Variants in JADE1 observed in about 807,000 individuals in gnomAD.
JADE1 encodes jade family PHD finger 1.
In JADE1, 14 loss-of-function variants were observed where a neutral mutation model predicts 81.8. The ratio of observed to expected loss-of-function variants is 0.17; its 90% CI spans 0.11 to 0.27. The LOEUF is 0.27. JADE1 is among the 10% of genes least tolerant of loss of function. JADE1 has a pLI of 1.00. For missense variants in JADE1, 690 were observed against 1,047.9 expected (o/e 0.66, Z 4.71); for synonymous variants, 353 against 391.9 (o/e 0.90, Z 1.17).
At chr4:128,823,851 T>A (rs1021826758) in intron 1 of JADE1, among the ~76,000 whole-genome samples, 1 of 152,210 alleles carries the variant, frequency 6.6e-6, no homozygotes, top group East Asian at 1.9e-4. Flanking sequence ...GAAAACTTCA[T>A]ATTTAAGCGA....
intron 9 of JADE1, chr4:128,863,009 G>C: frequency 1.0e-6 from 1 of 985,376 alleles, no homozygotes; most frequent in East Asian, 1.1e-4. Context: ...TGTCTGAGGA[G>C]CCCCAGTCAT....
chr4:128,831,999 T>C (rs1450731997), intron 2 of JADE1, among the ~76,000 whole-genome samples, 189 bp downstream of exon 2: 2 of 152,212 alleles, frequency 1.3e-5, no homozygotes, highest in African/African-American at 2.4e-5. Context: ...CTGGGTAAGG[T>C]TGACTGCAGG....
chr4:128,823,518 G>A (rs1391942187), intron 1 of JADE1, among the ~76,000 whole-genome samples: 1 of 152,122 alleles, frequency 6.6e-6, no homozygotes, highest in Non-Finnish European at 1.5e-5. Context: ...TTTGGAGGAG[G>A]TGGCTATTGC....
At chr4:128,859,219 T>A (rs373633848) in intron 8 of JADE1, among the ~76,000 whole-genome samples, 2 of 151,838 alleles carry the variant, frequency 1.3e-5, no homozygotes, top group East Asian at 1.9e-4. Flanking sequence ...GGTGTGTGTG[T>A]GAGTATGCGT....
chr4:128,872,304 G>A lies in JADE1; in HGVS notation c.*42G>A. The A allele has an allele frequency of 6.4e-7, 1 of 1,571,632 alleles. No homozygotes were observed. The highest frequency in any genetic ancestry group is 8.7e-7 in the Non-Finnish European group (1 of 1,150,306). ...CGGAAGCCCTTTGGGCTCGTCATTG[G>A]GTTTGCTAGAGGAGAGCTCTGATGT... On this transcript the variant is annotated 3_prime_UTR_variant, in exon 11 of 11. Transcript: ENST00000226319.
chr4:128,840,915 C>T (rs2125845336), intron 2 of JADE1, among the ~76,000 whole-genome samples: 1 of 152,368 alleles, frequency 6.6e-6, no homozygotes, highest in Non-Finnish European at 1.5e-5. Context: ...GTCAGTTGAC[C>T]TAGTAATGAG....
At chr4:128,856,433 T>G (rs1730802845) in intron 7 of JADE1, among the ~76,000 whole-genome samples, 1 of 152,160 alleles carries the variant, frequency 6.6e-6, no homozygotes, top group Non-Finnish European at 1.5e-5. Flanking sequence ...CTGTAGCACT[T>G]AAACAGCTGT....
chr4:128,845,364 C>T (rs1729779083), intron 3 of JADE1, among the ~76,000 whole-genome samples: 2 of 152,144 alleles, frequency 1.3e-5, no homozygotes, highest in Admixed American at 6.5e-5. Context: ...GTTGGATCTG[C>T]CTGTTTTTGG....
chr4:128,834,116 G>T (rs1436727487), intron 2 of JADE1, among the ~76,000 whole-genome samples: 1 of 152,164 alleles, frequency 6.6e-6, no homozygotes, highest in African/African-American at 2.4e-5. Flanking sequence ...TTGTCCAGAG[G>T]GTCTTAGTAG....
intron 9 of JADE1, chr4:128,863,453 C>T: frequency 1.0e-6 from 1 of 985,268 alleles, no homozygotes. Context: ...AAAGCCTGAT[C>T]TCATGGAGAC....
intron 9 of JADE1, among the ~76,000 whole-genome samples, chr4:128,866,485 T>C (rs1366530748): frequency 6.6e-6 from 1 of 152,226 alleles, no homozygotes; most frequent in Non-Finnish European, 1.5e-5. Context: ...TGAGACTGCC[T>C]TCAGCACAGC....
chr4:128,862,009 C>T lies in JADE1; in HGVS notation c.1287C>T (p.Thr429=). Reference sequence around the variant, plus strand: ...AGCAGTTGGAGGATGAGTTCTACACCTTCGTCAACCTGCTGGATGTTGCCA... The same window carrying T: ...AGCAGTTGGAGGATGAGTTCTACACTTTCGTCAACCTGCTGGATGTTGCCA... ...KLQQLEDEFY[T]FVNLLDVARA... Residue 429 remains threonine (T), a synonymous_variant, in exon 9 of 11, where the codon ACC becomes ACT. Transcript: ENST00000226319. The T allele has an allele frequency of 1.2e-6, 2 of 1,614,162 alleles. No individual in the cohort carries two copies. Among genetic ancestry groups the T allele is most frequent in the Non-Finnish European group, 1.7e-6 (2 of 1,180,036 alleles).
intron 1 of JADE1, among the ~76,000 whole-genome samples, chr4:128,826,211 G>A (rs1319554689): frequency 6.6e-6 from 1 of 152,146 alleles, no homozygotes; most frequent in African/African-American, 2.4e-5. Flanking sequence ...GAGCCGTGTC[G>A]ACTGGATCCA....
At chr4:128,834,038 CAT>C (rs1728769471) in intron 2 of JADE1, among the ~76,000 whole-genome samples, 1 of 152,170 alleles carries the variant, frequency 6.6e-6, no homozygotes, top group Admixed American at 6.5e-5. Flanking sequence ...TTTGAAGACA[CAT>C]GTGGCTAGTG....
chr4:128,833,663 C>G (rs1473022684), intron 2 of JADE1, among the ~76,000 whole-genome samples: 1 of 152,196 alleles, frequency 6.6e-6, no homozygotes, highest in Non-Finnish European at 1.5e-5. Context: ...CCCCTGTACT[C>G]CAGCCTGGCG....
At chr4:128,858,322 C>T (rs1350717993) in intron 8 of JADE1, among the ~76,000 whole-genome samples, 5 of 152,030 alleles carry the variant, frequency 3.3e-5, no homozygotes, top group Non-Finnish European at 5.9e-5. Context: ...ATTAGAGAGG[C>T]CTGCAGTGCT....
At chr4:128,840,501 A>G (rs1729341306) in intron 2 of JADE1, among the ~76,000 whole-genome samples, 1 of 152,182 alleles carries the variant, frequency 6.6e-6, no homozygotes, top group African/African-American at 2.4e-5. Flanking sequence ...TCCCTTCCCC[A>G]GACCTTCTGA....
In JADE1 at chr4:128,852,279, C is replaced by T. The variant is rs1214796825; in HGVS notation, c.696+11C>T. The T allele has an allele frequency of 6.2e-7, 1 of 1,610,924 alleles. No homozygotes were observed. Among genetic ancestry groups the T allele is most frequent in the Non-Finnish European group, 8.5e-7 (1 of 1,177,398 alleles). On this transcript the variant is annotated intron_variant, in intron 6 of 10. Coordinates refer to ENST00000226319, the MANE Select transcript of JADE1 (RefSeq NM_199320.4). ...ATCTGTGTGCACCAGGTATGTGGGG[C>T]AGGGAGGCCAGAAAGAAGAAACCTG... is the stretch of plus-strand genomic sequence containing the variant.
rs1216689806 is a variant in JADE1, at chr4:128,871,152, T to G, written c.1622-203T>G. Among the ~76,000 whole-genome samples the G allele has an allele frequency of 6.6e-6, 1 of 152,190 alleles. No individual in the cohort carries two copies. Among genetic ancestry groups the G allele is most frequent in the Non-Finnish European group, 1.5e-5 (1 of 68,024 alleles). ...AGCTGTTTTAGAAAATGTGGCATAT[T>G]GAGTCTGCAGATTGAATGGAGATTC... is the stretch of plus-strand genomic sequence containing the variant. On this transcript the variant is annotated intron_variant, in intron 10 of 10. Transcript: ENST00000226319. This position sits in a 1 kb window ranked among gnomAD's most constrained non-coding sequence, Gnocchi z 4.1.
Sources: allele counts gnomAD v4.1 joint callset (sites outside exome capture counted in the v4.1 genomes callset), GRCh38; gene constraint gnomAD v4.1.1; non-coding constraint Gnocchi (gnomAD v3.1); transcripts MANE v1.5; gene names NCBI Gene and HGNC (gene_info 2026-07-23, HGNC 2026-07-21).